Variants in LPCAT3 observed in about 807,000 individuals in gnomAD.
LPCAT3 encodes lysophosphatidylcholine acyltransferase 3, also known as lysophospholipid acyltransferase 5.
Under a neutral mutation model 63.4 loss-of-function variants are expected in LPCAT3, and 21 were observed. That is an observed-to-expected ratio of 0.33 (90% CI 0.23 to 0.48). The LOEUF (loss-of-function observed/expected upper bound fraction) is 0.48, where lower values mean the gene tolerates loss of function less well. Among genes scored for constraint, LPCAT3 ranks in the 20% least tolerant of loss-of-function variants. The probability of loss-of-function intolerance (pLI) is 0.99; values close to 1 mark genes in which losing one functional copy is unlikely to be tolerated. For missense variants in LPCAT3, 451 were observed against 590.6 expected, an observed-to-expected ratio of 0.76 and a Z score of 2.45; for synonymous variants, 242 against 227.5, an observed-to-expected ratio of 1.06 and a Z score of -0.58.
intron 1 of LPCAT3, among the ~76,000 whole-genome samples, chr12:6,984,755 T>G (rs1419739618): frequency 4.6e-5 from 7 of 152,114 alleles, no homozygotes; most frequent in African/African-American, 1.7e-4. Flanking sequence ...CCTGGCTATT[T>G]TGTAATTTTT....
At chr12:7,015,209 A>G (rs782156075) in intron 1 of LPCAT3, among the ~76,000 whole-genome samples, 1 of 152,256 alleles carries the variant, frequency 6.6e-6, no homozygotes, top group Admixed American at 6.5e-5. Context: ...TAATTAGACT[A>G]TCTGATTAAA....
intron 1 of LPCAT3, among the ~76,000 whole-genome samples, chr12:6,999,338 G>A (rs1946665510): frequency 6.6e-6 from 1 of 152,156 alleles, no homozygotes; most frequent in African/African-American, 2.4e-5. Context: ...AAATGTCTGA[G>A]GGAGGAACAA....
In LPCAT3 at chr12:7,015,078, A is replaced by G. The variant is rs188282766; in HGVS notation, c.151+3196T>C. On this transcript the variant is annotated intron_variant, in intron 1 of 12. Transcript: ENST00000261407. ...TGTGTTCTGGGTCACAATGTAAAACATATTTCTTACGATGGATCTTAGTCA... is the reference window on the plus strand; with the variant it reads ...TGTGTTCTGGGTCACAATGTAAAACGTATTTCTTACGATGGATCTTAGTCA... Among the ~76,000 whole-genome samples the G allele has an allele frequency of 3.9e-5, 6 of 152,344 alleles. No individual in the cohort carries two copies. In the East Asian group the frequency reaches 1.2e-3, roughly 29 times the overall value.
chr12:6,996,132 A>G (rs1946634164), intron 1 of LPCAT3, among the ~76,000 whole-genome samples: 1 of 151,216 alleles, frequency 6.6e-6, no homozygotes, highest in Non-Finnish European at 1.5e-5. Flanking sequence ...CTGTCCTCTG[A>G]CTCATCTCTC....
intron 1 of LPCAT3, among the ~76,000 whole-genome samples, chr12:7,015,044 A>C (rs138631707): frequency 2.7e-4 from 41 of 152,352 alleles, no homozygotes; most frequent in African/African-American, 9.4e-4. Flanking sequence ...GTATACACAT[A>C]CAAGTCTGTG....
intron 1 of LPCAT3, 101 bp from the exon 2 acceptor site, chr12:6,983,640 AG>A: frequency 5.6e-5 from 40 of 717,142 alleles, no homozygotes; most frequent in Non-Finnish European, 7.1e-5. Flanking sequence ...AGAGGGAGAG[AG>A]AAAAAAAAAA....
At chr12:7,016,813 A>G (rs898155333) in intron 1 of LPCAT3, among the ~76,000 whole-genome samples, 1 of 152,224 alleles carries the variant, frequency 6.6e-6, no homozygotes, top group Non-Finnish European at 1.5e-5. Context: ...ATAAATTTGG[A>G]TGATGTCTGG....
chr12:7,008,013 G>A (rs1946739098), intron 1 of LPCAT3, among the ~76,000 whole-genome samples: 1 of 152,006 alleles, frequency 6.6e-6, no homozygotes, highest in Admixed American at 6.6e-5. Context: ...TTCTTATACA[G>A]AATACTTCAT....
chr12:6,995,468 C>T (rs1555155928), intron 1 of LPCAT3, among the ~76,000 whole-genome samples: 3 of 149,782 alleles, frequency 2.0e-5, no homozygotes, highest in East Asian at 1.9e-4. Context: ...AGCCAGACTC[C>T]GTCTCAAAAA....
intron 2 of LPCAT3, 43 bp from the exon 3 acceptor site, chr12:6,982,825 C>T: frequency 1.5e-6 from 2 of 1,324,952 alleles, no homozygotes; most frequent in Non-Finnish European, 2.2e-6. Flanking sequence ...TTTACACTCC[C>T]ACCGTCCTGA....
chr12:6,978,805 C>T, intron 7 of LPCAT3, 116 bp from the exon 8 acceptor site: 2 of 1,458,646 alleles, frequency 1.4e-6, no homozygotes, highest in South Asian at 2.7e-5. Context: ...AGTCCTGCTG[C>T]CAGATGCCCT....
In LPCAT3 at chr12:6,981,163, T is replaced by G. The variant is rs1946467784; in HGVS notation, c.518A>C (p.Gln173Pro). 8 of 1,610,190 alleles carry G rather than the reference T, an allele frequency of 5.0e-6. No individual in the cohort carries two copies. Among genetic ancestry groups the G allele is most frequent in the Non-Finnish European group, 6.8e-6 (8 of 1,178,650 alleles). Residue 173 changes from glutamine to proline, a missense_variant, in exon 6 of 13, where the codon CAA becomes CCA. This residue lies in a region of LPCAT3 where 304 missense variants were observed against 390.8 expected (regional missense o/e 0.78). Coordinates refer to ENST00000261407, the MANE Select transcript of LPCAT3 (RefSeq NM_005768.6). Reference sequence around the variant, plus strand: ...AACACCACGTATGGCATATTTCTGTTGCTCAGAGGACAAGGAATTCTATGC... The same window carrying G: ...AACACCACGTATGGCATATTTCTGTGGCTCAGAGGACAAGGAATTCTATGC... The part of the protein sequence containing the change: ...GKDQNSLSSE[Q>P]QKYAIRGVPS...
At chr12:7,004,347 T>A (rs149005803) in intron 1 of LPCAT3, among the ~76,000 whole-genome samples, 1 of 152,210 alleles carries the variant, frequency 6.6e-6, no homozygotes, top group African/African-American at 2.4e-5. Flanking sequence ...TTCTTTAAGC[T>A]TGACATTGTA....
chr12:7,007,110 C>T (rs781850802), intron 1 of LPCAT3, among the ~76,000 whole-genome samples: 2 of 152,094 alleles, frequency 1.3e-5, no homozygotes, highest in South Asian at 4.1e-4. Flanking sequence ...ATGGCGCGAT[C>T]TCGGCTCACT....
chr12:6,990,938 A>G (rs1591551309), intron 1 of LPCAT3, among the ~76,000 whole-genome samples: 1 of 151,332 alleles, frequency 6.6e-6, no homozygotes, highest in South Asian at 2.1e-4. Context: ...AAAAAGGAAG[A>G]AAATAAAACT....
chr12:7,002,688 C>T (rs1201543188), intron 1 of LPCAT3, among the ~76,000 whole-genome samples: 1 of 152,160 alleles, frequency 6.6e-6, no homozygotes, highest in Non-Finnish European at 1.5e-5. Context: ...TATATCCCTT[C>T]AAAAGAAAAT....
chr12:7,013,155 G>A (rs1946776638), intron 1 of LPCAT3, among the ~76,000 whole-genome samples: 1 of 152,230 alleles, frequency 6.6e-6, no homozygotes, highest in Non-Finnish European at 1.5e-5. Flanking sequence ...AGAACTCAGA[G>A]GAAGATGAAA....
At chr12:7,000,409 C>A (rs1014135296) in intron 1 of LPCAT3, among the ~76,000 whole-genome samples, 1 of 149,864 alleles carries the variant, frequency 6.7e-6, no homozygotes, top group African/African-American at 2.4e-5. Flanking sequence ...AACACAGTGA[C>A]GCCCCGTCTC....
chr12:7,007,570 C>T (rs1299236717), intron 1 of LPCAT3, among the ~76,000 whole-genome samples: 2 of 149,260 alleles, frequency 1.3e-5, no homozygotes, highest in African/African-American at 5.0e-5. Context: ...TCTCGGCTCA[C>T]TGCAACCTCC....
Sources: allele counts gnomAD v4.1 joint callset (sites outside exome capture counted in the v4.1 genomes callset), GRCh38; gene constraint gnomAD v4.1.1; regional missense constraint gnomAD v4.1.1; transcripts MANE v1.5; gene names NCBI Gene and HGNC (gene_info 2026-07-23, HGNC 2026-07-21).